RSBN1: variants seen among roughly 807,000 people sequenced by gnomAD.
RSBN1 encodes the protein lysine-specific demethylase 9.
RSBN1 carries 23 observed loss-of-function variants against 74.8 expected under a neutral mutation model. The ratio of observed to expected loss-of-function variants is 0.31; its 90% CI spans 0.22 to 0.44. The LOEUF (loss-of-function observed/expected upper bound fraction) is 0.44. RSBN1 is among the 20% of genes least tolerant of loss of function. The probability of loss-of-function intolerance (pLI) is 1.00; values close to 1 mark genes in which losing one functional copy is unlikely to be tolerated. For missense variants in RSBN1, 808 were observed against 1,020.9 expected (o/e 0.79, Z 2.84); for synonymous variants, 407 against 379.6 (o/e 1.07, Z -0.84).
chr1:113,766,349 T>C lies in RSBN1; in HGVS notation c.2040A>G (p.Arg680=). The change falls in exon 7 of 7, where the codon AGA becomes AGG. Residue 680 remains arginine, a synonymous_variant. Transcript: ENST00000261441. ...CTGTTTTGAACTGATGAATGACATTTCTAGGGATGAAGTAGATATCATTGT... is the reference window on the plus strand; with the variant it reads ...CTGTTTTGAACTGATGAATGACATTCCTAGGGATGAAGTAGATATCATTGT... ...LCDNDIYFIP[R]NVIHQFKTVS... 1 of 1,614,106 alleles carries C rather than the reference T, an allele frequency of 6.2e-7. No homozygotes were observed. Among genetic ancestry groups the C allele is most frequent in the Non-Finnish European group, 8.5e-7 (1 of 1,179,958 alleles).
chr1:113,774,816 C>T (rs1659988478), intron 4 of RSBN1, among the ~76,000 whole-genome samples: 1 of 152,142 alleles, frequency 6.6e-6, no homozygotes, highest in South Asian at 2.1e-4. Context: ...GATCATGCCA[C>T]TGCACTCCAG....
chr1:113,806,916 G>A (rs1660711329), intron 1 of RSBN1, among the ~76,000 whole-genome samples: 2 of 151,758 alleles, frequency 1.3e-5, no homozygotes, highest in South Asian at 4.2e-4. Flanking sequence ...AGGAGGTTGA[G>A]GTGGGAGGAT....
chr1:113,782,533 G>A (rs2797406), intron 2 of RSBN1, among the ~76,000 whole-genome samples: 1,850 of 152,222 alleles, frequency 0.012, 48 homozygotes, highest in African/African-American at 0.043. Context: ...TAAGAATAAC[G>A]TTTCAAAAAT....
intron 4 of RSBN1, among the ~76,000 whole-genome samples, chr1:113,776,428 G>A (rs1660027858): frequency 6.6e-6 from 1 of 152,176 alleles, no homozygotes; most frequent in Non-Finnish European, 1.5e-5. Flanking sequence ...TCTTGTCGTG[G>A]AGTCCTGGGC....
At chr1:113,791,258 AATTT>A (rs1175423928) in intron 2 of RSBN1, among the ~76,000 whole-genome samples, 4 of 152,320 alleles carry the variant, frequency 2.6e-5, no homozygotes, top group South Asian at 4.1e-4. Flanking sequence ...TTTTGCATAA[AATTT>A]ATTCTCTTTA....
chr1:113,783,555 A>C (rs1660178183), intron 2 of RSBN1, among the ~76,000 whole-genome samples: 1 of 152,210 alleles, frequency 6.6e-6, no homozygotes, highest in Admixed American at 6.5e-5. Flanking sequence ...TCTTTTTAGT[A>C]AGAAAATTTC....
At chr1:113,803,607 G>C (rs1050456245) in intron 1 of RSBN1, among the ~76,000 whole-genome samples, 1 of 152,136 alleles carries the variant, frequency 6.6e-6, no homozygotes, top group African/African-American at 2.4e-5. Flanking sequence ...AATAGTCCTA[G>C]AACATAATAA....
chr1:113,767,001 C>A, intron 6 of RSBN1, 98 bp downstream of exon 6: 1 of 614,648 alleles, frequency 1.6e-6, no homozygotes, highest in Non-Finnish European at 2.7e-6. Context: ...ATTAAACTCA[C>A]TATCCCACAT....
rs1659719157 is a variant in RSBN1 at position 113,763,421 on chromosome 1, A to G, written c.*2559T>C. Reference sequence around the variant, plus strand: ...ACTTTAACAAATCAGAAGACGCCAGATTGCTCCATGCCTCACTCCACCAAA... The same window carrying G: ...ACTTTAACAAATCAGAAGACGCCAGGTTGCTCCATGCCTCACTCCACCAAA... On this transcript the variant is annotated 3_prime_UTR_variant, in exon 7 of 7. Coordinates refer to ENST00000261441, the MANE Select transcript of RSBN1 (RefSeq NM_018364.5). 1 of 152,690 alleles carries G rather than the reference A, an allele frequency of 6.5e-6. No individual in the cohort carries two copies. The highest frequency in any genetic ancestry group is 1.5e-5 in the Non-Finnish European group (1 of 68,026). The allele number at this position is 152,690 out of a possible 1,614,324, so 9.5% of individuals were successfully genotyped here. A position where few individuals can be genotyped will look rare whatever the true frequency, so the allele number is the denominator to read the frequency against.
At position 113,812,470 on chromosome 1, in the gene RSBN1, G is replaced by C; in HGVS notation, c.-58C>G. ...AGGCCTCTCCAACCGAGCTTCTATT[G>C]TAAAGCACCCTATGCCGCGCAAAGC... On this transcript the variant is annotated 5_prime_UTR_variant, in exon 1 of 7. Coordinates refer to ENST00000261441, the MANE Select transcript of RSBN1 (RefSeq NM_018364.5). The C allele has an allele frequency of 6.7e-7, 1 of 1,492,438 alleles. No homozygotes were observed. The highest frequency in any genetic ancestry group is 8.9e-7 in the Non-Finnish European group (1 of 1,124,412). The allele number at this position is 1,492,438 out of a possible 1,614,324, so 92.4% of individuals were successfully genotyped here.
intron 2 of RSBN1, among the ~76,000 whole-genome samples, chr1:113,779,348 C>T (rs1453741218): frequency 1.3e-5 from 2 of 152,098 alleles, no homozygotes; most frequent in East Asian, 3.8e-4. Flanking sequence ...TTTAACATCA[C>T]CCACACATAT....
rs905925834 is a variant in RSBN1 at position 113,764,633 on chromosome 1, C to A, written c.*1347G>T. 1 of 141,144 alleles carries A rather than the reference C, an allele frequency of 7.1e-6. No individual in the cohort carries two copies. 8.7% of individuals were successfully genotyped at this position (141,144 alleles called of 1,614,324 possible). A position where few individuals can be genotyped will look rare whatever the true frequency, so the allele number is the denominator to read the frequency against. On this transcript the variant is annotated 3_prime_UTR_variant, in exon 7 of 7. Coordinates refer to ENST00000261441, the MANE Select transcript of RSBN1 (RefSeq NM_018364.5). ...ATCTTGTATTTTTTTTTTTTTTTGC[C>A]TATGTTAATGTAAATATTTCAAATC...
At chr1:113,807,337 A>C (rs368577771) in intron 1 of RSBN1, among the ~76,000 whole-genome samples, 1 of 151,924 alleles carries the variant, frequency 6.6e-6, no homozygotes, top group African/African-American at 2.4e-5. Flanking sequence ...AACAACCAAA[A>C]TAAAAACAAG....
At position 113,762,464 on chromosome 1, in the gene RSBN1, G is replaced by T. The variant is rs772761990; in HGVS notation, c.*3516C>A. ...TTGCATGGCCAATAAATACAGCTAC[G>T]ACCTGTTTGAAAAACAAAACAGATG... On this transcript the variant is annotated 3_prime_UTR_variant, in exon 7 of 7. Transcript: ENST00000261441. 6.6e-6 allele frequency: 1 copy of T among 152,412 alleles called. No individual in the cohort carries two copies. The highest frequency in any genetic ancestry group is 1.5e-5 in the Non-Finnish European group (1 of 68,008). The allele number at this position is 152,412 out of a possible 1,614,324, so 9.4% of individuals were successfully genotyped here. A position where few individuals can be genotyped will look rare whatever the true frequency, so the allele number is the denominator to read the frequency against.
chr1:113,801,063 TC>T (rs774772329), intron 1 of RSBN1, among the ~76,000 whole-genome samples: 12 of 151,808 alleles, frequency 7.9e-5, no homozygotes, highest in Non-Finnish European at 1.6e-4. Context: ...CACTCCAGCC[TC>T]CACCTCCCAG....
intron 1 of RSBN1, among the ~76,000 whole-genome samples, chr1:113,802,247 T>C (rs1279767344): frequency 6.6e-6 from 1 of 151,464 alleles, no homozygotes; most frequent in Non-Finnish European, 1.5e-5. Flanking sequence ...TAAGCCACCA[T>C]GCCCGGCCTA....
rs1042708551 is a variant in RSBN1 at position 113,763,614 on chromosome 1, G to A, written c.*2366C>T. 7 of 152,676 alleles carry A rather than the reference G, an allele frequency of 4.6e-5. No homozygotes were observed. The highest frequency in any genetic ancestry group is 8.8e-5 in the Non-Finnish European group (6 of 68,014). The allele number at this position is 152,676 out of a possible 1,614,324, so 9.5% of individuals were successfully genotyped here. A position where few individuals can be genotyped will look rare whatever the true frequency, so the allele number is the denominator to read the frequency against. ...ATAGGACATTCAGTTTTCAGATCAC[G>A]TTACTAGCTAAATGTTTCTCTTCAT... On this transcript the variant is annotated 3_prime_UTR_variant, in exon 7 of 7. Coordinates refer to ENST00000261441, the MANE Select transcript of RSBN1 (RefSeq NM_018364.5).
chr1:113,810,658 G>A (rs1660817598), intron 1 of RSBN1, among the ~76,000 whole-genome samples: 1 of 152,058 alleles, frequency 6.6e-6, no homozygotes, highest in Non-Finnish European at 1.5e-5. Context: ...GACTCAATAC[G>A]TGGAAAGAAT....
chr1:113,798,737 C>T (rs1256836203), intron 1 of RSBN1, among the ~76,000 whole-genome samples: 1 of 152,090 alleles, frequency 6.6e-6, no homozygotes, highest in East Asian at 1.9e-4. Context: ...ATATCCATTA[C>T]AGTATTATTT....
Sources: gnomAD v4.1 joint callset for allele counts (sites outside exome capture counted in the v4.1 genomes callset) on GRCh38, gnomAD v4.1.1 for gene constraint, MANE v1.5 for transcripts, NCBI Gene and HGNC (gene_info 2026-07-23, HGNC 2026-07-21) for gene names.